The following ACTN4 variants were observed in gnomAD, a reference collection of about 807,000 sequenced individuals.
ACTN4 encodes alpha-actinin-4.
Under a neutral mutation model 114.2 loss-of-function variants are expected in ACTN4, and 18 were observed. The ratio of observed to expected loss-of-function variants is 0.16; its 90% CI spans 0.11 to 0.23. The LOEUF (loss-of-function observed/expected upper bound fraction) is 0.23. Among genes scored for constraint, ACTN4 ranks in the 10% least tolerant of loss-of-function variants. The pLI is 1.00. For synonymous variants in ACTN4, 515 were observed against 506.3 expected (o/e 1.02, Z -0.23); for missense variants, 722 against 1,262.9 (o/e 0.57, Z 6.49).
intron 5 of ACTN4, among the ~76,000 whole-genome samples, chr19:38,706,949 C>T (rs1968481329): frequency 6.6e-6 from 1 of 152,176 alleles, no homozygotes; most frequent in Non-Finnish European, 1.5e-5. Context: ...AGAGGCAGGC[C>T]TGCCTGGTGG....
chr19:38,687,540 T>C (rs147184025), intron 1 of ACTN4, among the ~76,000 whole-genome samples: 2 of 152,320 alleles, frequency 1.3e-5, no homozygotes, highest in Non-Finnish European at 2.9e-5. Context: ...AGAATAGTGT[T>C]TTCAACAAAT....
rs756812377 is a variant in ACTN4, at chr19:38,724,541, G to A, written c.1986G>A (p.Gly662=). The A allele has an allele frequency of 6.2e-7, 1 of 1,613,706 alleles. No homozygotes were observed. The highest frequency in any genetic ancestry group is 2.2e-5 in the East Asian group (1 of 44,884). Residue 662 remains glycine, a synonymous_variant, in exon 16 of 21, where the codon GGG becomes GGA. Coordinates refer to ENST00000252699, the MANE Select transcript of ACTN4 (RefSeq NM_004924.6). This position sits in a 1 kb window ranked among gnomAD's most constrained non-coding sequence, Gnocchi z 7.0. The part of the protein sequence containing the change: ...RQFASQANVV[G]PWIQTKMEEI... ...TCGCCAGCCAGGCCAATGTTGTGGG[G>A]CCCTGGATCCAGACCAAGATGGAGG...
rs1026465327 is a variant in ACTN4, at chr19:38,717,749, G to A, written c.1144-178G>A. On this transcript the variant is annotated intron_variant, in intron 10 of 20. Coordinates refer to ENST00000252699, the MANE Select transcript of ACTN4 (RefSeq NM_004924.6). This position sits in a 1 kb window ranked among gnomAD's most constrained non-coding sequence, Gnocchi z 4.0. ...GCATTCATTTTGTTAATCCAGAATT[G>A]ATTGTACCTGCTGAGTGCTGGGGGG... 2.6e-5 allele frequency among the ~76,000 whole-genome samples: 4 copies of A among 152,212 alleles called. No homozygotes were observed. Among genetic ancestry groups the A allele is most frequent in the African/African-American group, 9.6e-5 (4 of 41,454 alleles).
At chr19:38,681,136 A>G (rs1437216117) in intron 1 of ACTN4, among the ~76,000 whole-genome samples, 3 of 147,740 alleles carry the variant, frequency 2.0e-5, no homozygotes, top group African/African-American at 7.5e-5. Flanking sequence ...CTAGAAAAAA[A>G]AAAAAAAAAA....
Position 38,647,844 on chromosome 19 carries a change from C to A in ACTN4, c.99C>A (p.Ala33=). 1 of 1,550,404 alleles carries A rather than the reference C, an allele frequency of 6.4e-7. No homozygotes were observed. Among genetic ancestry groups the A allele is most frequent in the African/African-American group, 1.4e-5 (1 of 71,650 alleles). The change falls in exon 1 of 21, where the codon GCC becomes GCA. Residue 33 remains alanine, a synonymous_variant. Coordinates refer to ENST00000252699, the MANE Select transcript of ACTN4 (RefSeq NM_004924.6). ...GGGGCAGCATGGGCGACTACATGGC[C>A]CAGGAGGACGACTGGGACCGGGACC... The part of the protein sequence containing the change: ...GGGGSMGDYM[A]QEDDWDRDLL...
At chr19:38,720,907 C>T (rs745465365) in intron 11 of ACTN4, among the ~76,000 whole-genome samples, 4 of 152,266 alleles carry the variant, frequency 2.6e-5, no homozygotes, top group African/African-American at 4.8e-5. Context: ...AAGACCTTCA[C>T]TTGCTTGCAG....
At chr19:38,673,783 AAT>A (rs1967285991) in intron 1 of ACTN4, among the ~76,000 whole-genome samples, 4 of 110,618 alleles carry the variant, frequency 3.6e-5, no homozygotes, top group Admixed American at 1.2e-4. Flanking sequence ...ATATATGTAT[AAT>A]TTTTTTTTTT....
rs535665536 is a variant in ACTN4, at chr19:38,709,613, G to T, written c.733+137G>T. The T allele has an allele frequency of 6.4e-6, 5 of 779,404 alleles. No homozygotes were observed. The East Asian group carries it at 1.3e-4, about 21-fold the overall frequency. 48.3% of individuals were successfully genotyped at this position (779,404 alleles called of 1,614,324 possible). On this transcript the variant is annotated intron_variant, in intron 7 of 20. Transcript: ENST00000252699. ...GGAGCTGGCAGAGCCAGCAAGAAGG[G>T]CTGAATGATTCTGGGTGAACTGGGG...
chr19:38,661,654 A>T (rs555489342), intron 1 of ACTN4, among the ~76,000 whole-genome samples: 1 of 151,486 alleles, frequency 6.6e-6, no homozygotes, highest in East Asian at 2.0e-4. Flanking sequence ...ATTTATTTTT[A>T]TTTATTTATT....
rs1237402598 is a variant in ACTN4 at position 38,729,926 on chromosome 19, T to C, written c.*494T>C. On this transcript the variant is annotated 3_prime_UTR_variant, in exon 21 of 21. Coordinates refer to ENST00000252699, the MANE Select transcript of ACTN4 (RefSeq NM_004924.6). ...ACCCACCCAGCCCCTCTCCCCTCTCTGCTCCAGACTCACTTGCCATTGCCA... is the reference window on the plus strand; with the variant it reads ...ACCCACCCAGCCCCTCTCCCCTCTCCGCTCCAGACTCACTTGCCATTGCCA... 2 of 343,886 alleles carry C rather than the reference T, an allele frequency of 5.8e-6. No homozygotes were observed. The highest frequency in any genetic ancestry group is 2.2e-5 in the South Asian group (1 of 45,554). The allele number at this position is 343,886 out of a possible 1,614,324, so 21.3% of individuals were successfully genotyped here. A position where few individuals can be genotyped will look rare whatever the true frequency, so the allele number is the denominator to read the frequency against.
chr19:38,680,222 T>G (rs1440417346), intron 1 of ACTN4, among the ~76,000 whole-genome samples: 702 of 24,720 alleles, frequency 0.028, 12 homozygotes, highest in African/African-American at 0.05. Context: ...GTTTTTTTTT[T>G]TTTTTTTTTT....
chr19:38,698,482 C>CG (rs983203626), intron 1 of ACTN4, among the ~76,000 whole-genome samples: 17 of 152,152 alleles, frequency 1.1e-4, no homozygotes, highest in African/African-American at 3.9e-4. Flanking sequence ...GGGAGGGAGA[C>CG]AAGAACTGTT....
At position 38,704,917 on chromosome 19, in the gene ACTN4, C is replaced by A; in HGVS notation, c.398-17C>A. Reference sequence around the variant, plus strand: ...TTTTAACGACCTTCTGCCCTCTGCCCCCTTCCCTGTGTGCAGAGATTGTGG... The same window carrying A: ...TTTTAACGACCTTCTGCCCTCTGCCACCTTCCCTGTGTGCAGAGATTGTGG... On this transcript the variant is annotated splice_polypyrimidine_tract_variant and intron_variant, in intron 3 of 20. Transcript: ENST00000252699. 6.2e-7 allele frequency: 1 copy of A among 1,612,808 alleles called. No homozygotes were observed. The highest frequency in any genetic ancestry group is 8.5e-7 in the Non-Finnish European group (1 of 1,178,802).
At chr19:38,659,741 C>T (rs1976824197) in intron 1 of ACTN4, among the ~76,000 whole-genome samples, 1 of 152,146 alleles carries the variant, frequency 6.6e-6, no homozygotes. Context: ...TCAGACATTC[C>T]AAGCATAGTT....
chr19:38,673,007 A>G (rs1317058547), intron 1 of ACTN4, among the ~76,000 whole-genome samples: 2 of 150,820 alleles, frequency 1.3e-5, no homozygotes, highest in African/African-American at 2.4e-5. Context: ...CAGTGGCACA[A>G]TCTTGGCTCA....
chr19:38,698,702 G>C (rs1373308305), intron 1 of ACTN4, among the ~76,000 whole-genome samples: 1 of 152,186 alleles, frequency 6.6e-6, no homozygotes, highest in African/African-American at 2.4e-5. Context: ...CCACCAGGAG[G>C]GGTCTCTGTC....
At chr19:38,692,154 C>T (rs1021599825) in intron 1 of ACTN4, among the ~76,000 whole-genome samples, 2 of 152,242 alleles carry the variant, frequency 1.3e-5, no homozygotes, top group African/African-American at 4.8e-5. Context: ...AAGGCAACTT[C>T]AGGCCAGGAC....
rs554377786 is a variant in ACTN4, at chr19:38,657,284, A to G, written c.162+9377A>G. On this transcript the variant is annotated intron_variant, in intron 1 of 20. Transcript: ENST00000252699. ...CAGCTTCCCAAGTAGCTGGGATTAC[A>G]GGCGCGCGCCACGACGCCCAGCTAA... 3.3e-5 allele frequency among the ~76,000 whole-genome samples: 5 copies of G among 152,012 alleles called. No individual in the cohort carries two copies. In the South Asian group the frequency reaches 1.0e-3, roughly 32 times the overall value.
intron 11 of ACTN4, among the ~76,000 whole-genome samples, chr19:38,721,197 A>C (rs1178498167): frequency 6.6e-6 from 1 of 152,146 alleles, no homozygotes; most frequent in East Asian, 1.9e-4. Flanking sequence ...AGCCCTCCAG[A>C]AACAGGTGCT....
Sources: allele counts gnomAD v4.1 joint callset (sites outside exome capture counted in the v4.1 genomes callset), GRCh38; gene constraint gnomAD v4.1.1; non-coding constraint Gnocchi (gnomAD v3.1); transcripts MANE v1.5; gene names NCBI Gene and HGNC (gene_info 2026-07-23, HGNC 2026-07-21).